ZNF25: variants seen among roughly 807,000 people sequenced by gnomAD.
ZNF25 encodes zinc finger protein 25 (KOX 19).
ZNF25 carries 21 observed loss-of-function variants against 30.9 expected under a neutral mutation model. The observed-to-expected ratio is 0.68, with a 90% CI of 0.48 to 0.98. The LOEUF is 0.98. Among genes scored for constraint, ZNF25 ranks in the 50% least tolerant of loss-of-function variants. The pLI, the probability that ZNF25 is intolerant of heterozygous loss-of-function variation, is 0.00. For missense variants in ZNF25, 501 were observed against 529.9 expected, an observed-to-expected ratio of 0.95 and a Z score of 0.54; for synonymous variants, 169 against 181.3, an observed-to-expected ratio of 0.93 and a Z score of 0.55.
intron 2 of ZNF25, among the ~76,000 whole-genome samples, chr10:37,963,443 A>C (rs1309027329): frequency 1.3e-5 from 2 of 152,148 alleles, no homozygotes; most frequent in Non-Finnish European, 1.5e-5. Flanking sequence ...CTTAATAAAG[A>C]AAGAGGCTGC....
chr10:37,965,020 A>C (rs2135397967), intron 2 of ZNF25, among the ~76,000 whole-genome samples: 1 of 152,198 alleles, frequency 6.6e-6, no homozygotes, highest in Admixed American at 6.6e-5. Flanking sequence ...GCTTCAGCTC[A>C]AGGGGGTCCA....
In ZNF25 at chr10:37,952,669, G is replaced by C. The variant is rs748797420; in HGVS notation, c.829C>G (p.Gln277Glu). The change falls in exon 6 of 6, where the codon CAG (glutamine) becomes GAG (glutamate). Residue 277 changes from glutamine to glutamate, a missense_variant. Transcript: ENST00000302609. ...FSQKSHLTVH[Q>E]RMHTGEKPYK... is the part of the protein sequence containing the mutation. ...GGTTTCTCCCCTGTGTGCATTCTCTGATGTACTGTGAGGTGTGACTTCTGG... is the reference window on the plus strand; with the variant it reads ...GGTTTCTCCCCTGTGTGCATTCTCTCATGTACTGTGAGGTGTGACTTCTGG... 1.9e-6 allele frequency: 3 copies of C among 1,613,614 alleles called. No homozygotes were observed. The highest frequency in any genetic ancestry group is 1.7e-5 in the Admixed American group (1 of 59,976).
intron 2 of ZNF25, among the ~76,000 whole-genome samples, chr10:37,959,636 G>T (rs2062734659): frequency 6.6e-6 from 1 of 151,700 alleles, no homozygotes; most frequent in African/African-American, 2.4e-5. Flanking sequence ...TTGAGATGGA[G>T]TCTGGCTCTG....
chr10:37,966,270 C>T (rs1198591793), intron 2 of ZNF25, among the ~76,000 whole-genome samples: 2 of 151,936 alleles, frequency 1.3e-5, no homozygotes, highest in Admixed American at 1.3e-4. Flanking sequence ...AAAAATTAGC[C>T]AGGCATGGTG....
Position 37,952,411 on chromosome 10 carries a change from TTC to T in ZNF25, c.1085_1086del (p.Arg362LysfsTer9), listed in dbSNP as rs1306594015. On this transcript the variant is annotated frameshift_variant, in exon 6 of 6. Coordinates refer to ENST00000302609, the MANE Select transcript of ZNF25 (RefSeq NM_145011.4). LOFTEE classifies it low-confidence loss of function (END_TRUNC). ...YYKSDLTKHQ[R>X]KHTGEKPYEC... ...TCATAGGGCTTCTCCCCTGTGTGTT[TTC>T]TCTGATGTTTAGTGAGGTCTGATTT... 1 of 1,614,050 alleles carries T rather than the reference TTC, an allele frequency of 6.2e-7. No individual in the cohort carries two copies. Among genetic ancestry groups the T allele is most frequent in the African/African-American group, 1.3e-5 (1 of 74,936 alleles).
At chr10:37,974,437 T>C (rs1415185274) in intron 1 of ZNF25, among the ~76,000 whole-genome samples, 1 of 152,050 alleles carries the variant, frequency 6.6e-6, no homozygotes, top group Non-Finnish European at 1.5e-5. Context: ...AAAATTTGAT[T>C]TAAAAAAATT....
chr10:37,970,830 T>C (rs2063448432), intron 2 of ZNF25, among the ~76,000 whole-genome samples: 1 of 152,132 alleles, frequency 6.6e-6, no homozygotes, highest in South Asian at 2.1e-4. Context: ...AGATTTCTAC[T>C]TGGCTCTCTC....
intron 2 of ZNF25, among the ~76,000 whole-genome samples, chr10:37,971,400 G>C (rs1478343648): frequency 6.6e-6 from 1 of 151,946 alleles, no homozygotes; most frequent in African/African-American, 2.4e-5. Context: ...ATTTAGCATG[G>C]TTTTCATGCC....
rs1264890136 is a variant in ZNF25 at position 37,950,068 on chromosome 10, C to A, written c.*2059G>T. 3.3e-5 allele frequency: 5 copies of A among 152,660 alleles called. No homozygotes were observed. The highest frequency in any genetic ancestry group is 9.6e-5 in the African/African-American group (4 of 41,534). The allele number at this position is 152,660 out of a possible 1,614,324, so 9.5% of individuals were successfully genotyped here. Reference sequence around the variant, plus strand: ...CCCACCTACAAATTGCTGTATGCATCATTTCTGAAACATGAAATACTTATA... The same window carrying A: ...CCCACCTACAAATTGCTGTATGCATAATTTCTGAAACATGAAATACTTATA... On this transcript the variant is annotated 3_prime_UTR_variant, in exon 6 of 6. Coordinates refer to ENST00000302609, the MANE Select transcript of ZNF25 (RefSeq NM_145011.4).
intron 1 of ZNF25, among the ~76,000 whole-genome samples, chr10:37,975,166 AG>A (rs1424148488): frequency 1.3e-5 from 2 of 152,208 alleles, no homozygotes; most frequent in African/African-American, 4.8e-5. Context: ...AAATACAGTT[AG>A]GTAGAAGGAT....
chr10:37,975,916 C>T (rs1052982145), intron 1 of ZNF25, among the ~76,000 whole-genome samples: 1 of 152,130 alleles, frequency 6.6e-6, no homozygotes, highest in African/African-American at 2.4e-5. Flanking sequence ...GATTTACATC[C>T]CACCTGCTAA....
At position 37,953,207 on chromosome 10, in the gene ZNF25, G is replaced by T. The variant is rs1564753501; in HGVS notation, c.303-12C>A. 4 of 1,560,236 alleles carry T rather than the reference G, an allele frequency of 2.6e-6. No individual in the cohort carries two copies. The highest frequency in any genetic ancestry group is 3.4e-6 in the Non-Finnish European group (4 of 1,161,014). On this transcript the variant is annotated splice_polypyrimidine_tract_variant and intron_variant, in intron 5 of 5. Coordinates refer to ENST00000302609, the MANE Select transcript of ZNF25 (RefSeq NM_145011.4). Reference sequence around the variant, plus strand: ...TGAGTTCTCCATTCCTAGACAGAAAGTTCCACATTCATTAATGTGTAAGAC... The same window carrying T: ...TGAGTTCTCCATTCCTAGACAGAAATTTCCACATTCATTAATGTGTAAGAC...
Position 37,957,099 on chromosome 10 carries a change from C to A in ZNF25, c.159G>T (p.Lys53Asn). 6.2e-7 allele frequency: 1 copy of A among 1,613,938 alleles called. No individual in the cohort carries two copies. The highest frequency in any genetic ancestry group is 8.5e-7 in the Non-Finnish European group (1 of 1,179,950). Residue 53 changes from lysine (K) to asparagine (N), a missense_variant, in exon 4 of 6, where the codon AAG (lysine) becomes AAT (asparagine). Coordinates refer to ENST00000302609, the MANE Select transcript of ZNF25 (RefSeq NM_145011.4). ...HLVSVGYHVN[K>N]PNAVFKLKQG... The stretch of plus-strand genomic sequence containing the variant: ...GCTTCAACTTGAAGACTGCATTTGG[C>A]TTATTCACATGGTAACCTATGAATG...
rs1202634553 is a variant in ZNF25 at position 37,976,620 on chromosome 10, A to C, written c.-200T>G. 6.6e-6 allele frequency: 1 copy of C among 152,358 alleles called. No individual in the cohort carries two copies. The highest frequency in any genetic ancestry group is 2.4e-5 in the African/African-American group (1 of 41,450). The allele number at this position is 152,358 out of a possible 1,614,324, so 9.4% of individuals were successfully genotyped here. On this transcript the variant is annotated 5_prime_UTR_variant, in exon 1 of 6. Coordinates refer to ENST00000302609, the MANE Select transcript of ZNF25 (RefSeq NM_145011.4). ...TCTCCCCACCCTAGGGCGTAAGACC[A>C]AAAAAACGCCAATGCCAGAAAGAAG...
intron 2 of ZNF25, among the ~76,000 whole-genome samples, chr10:37,962,263 G>A (rs992200613): frequency 2.6e-5 from 4 of 151,412 alleles, no homozygotes; most frequent in South Asian, 2.1e-4. Flanking sequence ...AAAAGCTAAC[G>A]GATATATAAG....
chr10:37,969,471 G>A (rs2063366589), intron 2 of ZNF25, among the ~76,000 whole-genome samples: 1 of 152,190 alleles, frequency 6.6e-6, no homozygotes, highest in African/African-American at 2.4e-5. Context: ...CTTCAAGGTG[G>A]ATGAACCTGG....
At chr10:37,955,299 A>T (rs892636602) in intron 4 of ZNF25, among the ~76,000 whole-genome samples, 13 of 152,188 alleles carry the variant, frequency 8.5e-5, no homozygotes, top group South Asian at 2.1e-4. Flanking sequence ...ATTTAAATGA[A>T]TATTACTAAT....
chr10:37,970,505 T>C (rs2063427640), intron 2 of ZNF25, among the ~76,000 whole-genome samples: 1 of 152,212 alleles, frequency 6.6e-6, no homozygotes, highest in Non-Finnish European at 1.5e-5. Flanking sequence ...ATAAAATCCA[T>C]AGTTTATACC....
chr10:37,960,790 G>C (rs935280558), intron 2 of ZNF25, among the ~76,000 whole-genome samples: 4 of 152,188 alleles, frequency 2.6e-5, no homozygotes, highest in Non-Finnish European at 4.4e-5. Flanking sequence ...ACAAATAAGG[G>C]ACAGCTGTAG....
Sources: allele counts gnomAD v4.1 joint callset (sites outside exome capture counted in the v4.1 genomes callset), GRCh38; gene constraint gnomAD v4.1.1; transcripts MANE v1.5; gene names NCBI Gene and HGNC (gene_info 2026-07-23, HGNC 2026-07-21).